The following CRYBG1 variants were observed in gnomAD, a reference collection of about 807,000 sequenced individuals.
CRYBG1 encodes crystallin beta-gamma domain containing 1, also known as beta/gamma crystallin domain-containing protein 1.
A neutral mutation model predicts 189.2 loss-of-function variants in CRYBG1; 139 were observed. The ratio of observed to expected loss-of-function variants is 0.73; its 90% CI spans 0.64 to 0.85. The LOEUF is 0.85. Among genes scored for constraint, CRYBG1 ranks in the 40% least tolerant of loss-of-function variants. CRYBG1 has a pLI of 0.00. For synonymous variants in CRYBG1, 1,023 were observed against 1,017.1 expected (o/e 1.01, Z -0.11); for missense variants, 2,611 against 2,675.8 (o/e 0.98, Z 0.53).
intron 3 of CRYBG1, 56 bp downstream of exon 3, chr6:106,513,095 C>T (rs913675704): frequency 2.6e-6 from 4 of 1,542,744 alleles, no homozygotes; most frequent in Non-Finnish European, 3.5e-6. Flanking sequence ...GCTGGGGGTC[C>T]GCTCTGAGAG....
rs147147086 is a variant in CRYBG1 at position 106,558,496 on chromosome 6, A to G, written c.5726A>G (p.Glu1909Gly). The change falls in exon 18 of 22, where the codon GAA becomes GGA. Residue 1909 changes from glutamate (E) to glycine (G), a missense_variant. By Grantham distance (98) the Glu-to-Gly change is moderately conservative (BLOSUM62 -2). Coordinates refer to ENST00000633556, the MANE Select transcript of CRYBG1 (RefSeq NM_001371242.2). ...SLRFIDVEFS[E>G]PTIILFERED... ...TTTGTTCCTCAACAGGAATTTTCTG[A>G]ACCAACAATTATTCTCTTTGAAAGA... 8 of 1,594,706 alleles carry G rather than the reference A, an allele frequency of 5.0e-6. No individual in the cohort carries two copies. The highest frequency in any genetic ancestry group is 6.8e-6 in the Non-Finnish European group (8 of 1,169,014).
At chr6:106,375,821 G>A (rs1003010952) in intron 1 of CRYBG1, among the ~76,000 whole-genome samples, 1 of 152,180 alleles carries the variant, frequency 6.6e-6, no homozygotes, top group Admixed American at 6.5e-5. Context: ...AAGATCCCCT[G>A]TGAATTTCTG....
chr6:106,412,571 G>C (rs1022138726), intron 1 of CRYBG1, among the ~76,000 whole-genome samples: 1 of 152,136 alleles, frequency 6.6e-6, no homozygotes, highest in Non-Finnish European at 1.5e-5. Flanking sequence ...TGTTACTGAA[G>C]GGTGGTGTGC....
intron 1 of CRYBG1, among the ~76,000 whole-genome samples, chr6:106,410,883 T>C (rs1056652338): frequency 2.0e-5 from 3 of 152,044 alleles, no homozygotes; most frequent in Non-Finnish European, 4.4e-5. Context: ...AGGGGAGGGA[T>C]AGCATTAGGA....
intron 1 of CRYBG1, among the ~76,000 whole-genome samples, chr6:106,423,205 GACTAAAAGAA>G (rs1562302581): frequency 6.8e-6 from 1 of 146,658 alleles, no homozygotes; most frequent in East Asian, 2.0e-4. Context: ...ATTACCTGCA[GACTAAAAGAA>G]ACTTGCCTCA....
intron 1 of CRYBG1, among the ~76,000 whole-genome samples, chr6:106,387,650 A>G (rs1770418530): frequency 6.6e-6 from 1 of 152,186 alleles, no homozygotes; most frequent in African/African-American, 2.4e-5. Flanking sequence ...CCCCAGATGG[A>G]TAGGTTTAAC....
intron 7 of CRYBG1, 33 bp downstream of exon 7, chr6:106,527,503 C>T (rs747599211): frequency 3.2e-6 from 5 of 1,580,096 alleles, no homozygotes; most frequent in Non-Finnish European, 3.4e-6. Context: ...TTTATTTATT[C>T]AGCTAATATT....
chr6:106,511,035 AGTGTGTTT>A, intron 2 of CRYBG1, among the ~76,000 whole-genome samples: 1 of 152,192 alleles, frequency 6.6e-6, no homozygotes, highest in Non-Finnish European at 1.5e-5. Context: ...AGGATACTTT[AGTGTGTTT>A]ACTGCTGCCC....
intron 1 of CRYBG1, among the ~76,000 whole-genome samples, chr6:106,426,165 G>A (rs140218052): frequency 3.9e-5 from 6 of 152,126 alleles, no homozygotes; most frequent in African/African-American, 1.4e-4. Flanking sequence ...ATTTGTACCC[G>A]TGTCCTCAAC....
chr6:106,389,415 G>C (rs1438321468), intron 1 of CRYBG1, among the ~76,000 whole-genome samples: 1 of 152,004 alleles, frequency 6.6e-6, no homozygotes, highest in Non-Finnish European at 1.5e-5. Context: ...AGTGAAACTA[G>C]TTTTCTTTTA....
intron 1 of CRYBG1, among the ~76,000 whole-genome samples, chr6:106,372,374 C>G (rs1770056457): frequency 6.6e-6 from 1 of 152,080 alleles, no homozygotes; most frequent in South Asian, 2.1e-4. Context: ...ACCTCAGCCT[C>G]CTGAGTAGCT....
Position 106,520,763 on chromosome 6 carries a change from CA to C in CRYBG1, c.3558del (p.Lys1186AsnfsTer2). On this transcript the variant is annotated frameshift_variant, in exon 4 of 22. Coordinates refer to ENST00000633556, the MANE Select transcript of CRYBG1 (RefSeq NM_001371242.2). LOFTEE classifies it high-confidence loss of function. ...TGATGCAGAACCTTGACACAAAATC[CA>C]AACTGAGACCCAAACGTGCATCTGC... ...HLMQNLDTKS[K>X]LRPKRASAEQ... is the part of the protein sequence containing the mutation. 2 of 1,614,134 alleles carry C rather than the reference CA, an allele frequency of 1.2e-6. No homozygotes were observed. Among genetic ancestry groups the C allele is most frequent in the Non-Finnish European group, 1.7e-6 (2 of 1,180,038 alleles).
chr6:106,459,236 C>T (rs1771952777), intron 2 of CRYBG1, among the ~76,000 whole-genome samples: 1 of 152,130 alleles, frequency 6.6e-6, no homozygotes, highest in Non-Finnish European at 1.5e-5. Flanking sequence ...ACTATGGGTG[C>T]TCTTTATTTA....
chr6:106,451,108 A>G (rs1181339197), intron 1 of CRYBG1, among the ~76,000 whole-genome samples: 3 of 152,204 alleles, frequency 2.0e-5, no homozygotes, highest in Admixed American at 2.0e-4. Context: ...GGGAGGTGGG[A>G]GAACAGTGAA....
At chr6:106,521,750 G>T (rs944578507) in intron 4 of CRYBG1, among the ~76,000 whole-genome samples, 1 of 110,284 alleles carries the variant, frequency 9.1e-6, no homozygotes, top group East Asian at 2.9e-4. Flanking sequence ...ACAGAGTCTC[G>T]CTCTGTCGCC....
At chr6:106,539,133 A>G (rs1437047902) in intron 8 of CRYBG1, among the ~76,000 whole-genome samples, 1 of 152,230 alleles carries the variant, frequency 6.6e-6, no homozygotes, top group Non-Finnish European at 1.5e-5. Context: ...ACAAATGATT[A>G]GATGGAACTT....
chr6:106,541,325 T>C (rs2114570043), intron 9 of CRYBG1: 1 of 620,486 alleles, frequency 1.6e-6, no homozygotes, highest in Middle Eastern at 2.6e-4. Flanking sequence ...ATTTTCCAAG[T>C]TAAAAAAACT....
intron 1 of CRYBG1, among the ~76,000 whole-genome samples, chr6:106,370,744 C>G (rs536893891): frequency 2.6e-5 from 4 of 152,234 alleles, no homozygotes; most frequent in African/African-American, 9.6e-5. Flanking sequence ...CTTAGCTGTT[C>G]TTTTGGGTTC....
chr6:106,412,740 A>G lies in CRYBG1; in HGVS notation c.174-38954A>G, dbSNP rs536488391. On this transcript the variant is annotated intron_variant, in intron 1 of 21. Coordinates refer to ENST00000633556, the MANE Select transcript of CRYBG1 (RefSeq NM_001371242.2). ...AAACAAAGAAAATAAGACAAAGATT[A>G]TTATCCTTTATTTCACTTTCAACTC... 2.7e-4 allele frequency among the ~76,000 whole-genome samples: 41 copies of G among 152,294 alleles called. No homozygotes were observed. The South Asian group carries it at 8.1e-3, about 30-fold the overall frequency.
Sources: gnomAD v4.1 joint callset for allele counts (sites outside exome capture counted in the v4.1 genomes callset) on GRCh38, gnomAD v4.1.1 for gene constraint, MANE v1.5 for transcripts, NCBI Gene and HGNC (gene_info 2026-07-23, HGNC 2026-07-21) for gene names.